Variants in NPAS3 observed in about 807,000 individuals in gnomAD.
NPAS3 encodes the protein neuronal PAS domain-containing protein 3.
In NPAS3, 14 loss-of-function variants were observed where a neutral mutation model predicts 73.1. The observed-to-expected ratio is 0.19, with a 90% CI of 0.13 to 0.30. The LOEUF is 0.30. Among genes scored for constraint, NPAS3 ranks in the 10% least tolerant of loss-of-function variants. The pLI is 1.00. For synonymous variants in NPAS3, 620 were observed against 541.5 expected (o/e 1.14, Z -2.01); for missense variants, 1,096 against 1,250.0 (o/e 0.88, Z 1.86).
chr14:33,295,719 G>T (rs565298519), intron 3 of NPAS3, among the ~76,000 whole-genome samples: 2 of 152,246 alleles, frequency 1.3e-5, no homozygotes, highest in East Asian at 3.9e-4. Context: ...TAATGCAGAG[G>T]TATTTATAGA....
intron 7 of NPAS3, among the ~76,000 whole-genome samples, chr14:33,767,359 C>T (rs1595576825): frequency 1.3e-5 from 2 of 152,142 alleles, no homozygotes; most frequent in East Asian, 3.9e-4. Context: ...CGGCTAAGCC[C>T]TTATCTTTCG....
At chr14:33,446,567 G>A (rs191177114) in intron 4 of NPAS3, among the ~76,000 whole-genome samples, 20 of 152,192 alleles carry the variant, frequency 1.3e-4, no homozygotes, top group Non-Finnish European at 1.8e-4. Context: ...TTCCTCCCTC[G>A]GAAGAGATGG....
At chr14:33,107,327 G>T (rs560042583) in intron 2 of NPAS3, among the ~76,000 whole-genome samples, 3 of 152,016 alleles carry the variant, frequency 2.0e-5, no homozygotes, top group South Asian at 4.2e-4. Flanking sequence ...GCTGAGGTTT[G>T]GAGTACAAAT....
chr14:33,464,467 CA>C (rs1262037884), intron 4 of NPAS3, among the ~76,000 whole-genome samples: 5 of 152,170 alleles, frequency 3.3e-5, no homozygotes, highest in Non-Finnish European at 7.3e-5. Context: ...AATACCAAAG[CA>C]TCGGTGACAT....
At chr14:33,289,807 G>A (rs1424940499) in intron 3 of NPAS3, among the ~76,000 whole-genome samples, 1 of 139,622 alleles carries the variant, frequency 7.2e-6, no homozygotes, top group Non-Finnish European at 1.5e-5. Context: ...GGGCAACAGA[G>A]CAAGACTCCG....
intron 4 of NPAS3, among the ~76,000 whole-genome samples, chr14:33,401,080 A>C (rs1375639737): frequency 2.0e-5 from 3 of 152,186 alleles, no homozygotes; most frequent in African/African-American, 7.2e-5. Context: ...TAGCATACTG[A>C]GGACGTTTTC....
chr14:33,281,693 C>T lies in NPAS3; in HGVS notation c.385+66267C>T, dbSNP rs926533594. On this transcript the variant is annotated intron_variant, in intron 3 of 11. Coordinates refer to ENST00000356141, the Ensembl canonical transcript of NPAS3. ...TTCTGTACATATCATTAAGTCAGGA[C>T]TAAGAATTTTTTCTTCTTTGTCACA... Among the ~76,000 whole-genome samples the T allele has an allele frequency of 3.3e-5, 5 of 152,266 alleles. No individual in the cohort carries two copies. In the East Asian group the frequency reaches 9.7e-4, roughly 29 times the overall value.
chr14:33,104,317 C>T (rs1566564343), intron 2 of NPAS3, among the ~76,000 whole-genome samples: 1 of 152,036 alleles, frequency 6.6e-6, no homozygotes, highest in African/African-American at 2.4e-5. Flanking sequence ...TTCTTATTTT[C>T]TTTTCATGCT....
chr14:33,447,387 G>A (rs1367886469), intron 4 of NPAS3, among the ~76,000 whole-genome samples: 2 of 152,086 alleles, frequency 1.3e-5, no homozygotes, highest in African/African-American at 4.8e-5. Context: ...TGTGTGTGTG[G>A]GCGCACGCAC....
chr14:32,937,647 A>G (rs2035739833), upstream of NPAS3, among the ~76,000 whole-genome samples: 2 of 151,840 alleles, frequency 1.3e-5, no homozygotes, highest in African/African-American at 2.4e-5. Context: ...GAAGTTTCCA[A>G]CTCCCAGCCC....
intron 1 of NPAS3, among the ~76,000 whole-genome samples, chr14:32,976,659 G>A (rs528995780): frequency 6.6e-6 from 1 of 152,140 alleles, no homozygotes; most frequent in African/African-American, 2.4e-5. Context: ...TTTCATTTAG[G>A]TATCAACATT....
intron 2 of NPAS3, among the ~76,000 whole-genome samples, chr14:33,201,820 C>T (rs2046629996): frequency 6.6e-6 from 1 of 152,166 alleles, no homozygotes; most frequent in Non-Finnish European, 1.5e-5. Flanking sequence ...ATTAAGTAGT[C>T]TCTTTACATC....
intron 6 of NPAS3, among the ~76,000 whole-genome samples, chr14:33,680,061 C>T (rs573594189): frequency 2.6e-5 from 4 of 152,258 alleles, no homozygotes; most frequent in Non-Finnish European, 4.4e-5. Flanking sequence ...TGCAGGCTCC[C>T]GCAGTATGAG....
At chr14:33,478,716 T>C (rs1166739646) in intron 4 of NPAS3, among the ~76,000 whole-genome samples, 1 of 152,206 alleles carries the variant, frequency 6.6e-6, no homozygotes, top group Middle Eastern at 3.2e-3. Context: ...AGCCCTGTAA[T>C]CTCATGAACT....
intron 1 of NPAS3, among the ~76,000 whole-genome samples, chr14:32,954,961 C>T (rs1251326460): frequency 6.6e-6 from 1 of 152,102 alleles, no homozygotes; most frequent in Non-Finnish European, 1.5e-5. Context: ...ATAATTTATA[C>T]CATCTTTTCG....
chr14:33,411,511 G>A (rs2047927792), intron 4 of NPAS3, among the ~76,000 whole-genome samples: 1 of 152,028 alleles, frequency 6.6e-6, no homozygotes, highest in African/African-American at 2.4e-5. Context: ...TCACAACTTC[G>A]GGTTGCTACT....
intron 1 of NPAS3, among the ~76,000 whole-genome samples, chr14:32,965,884 A>G (rs2037133054): frequency 6.6e-6 from 1 of 152,330 alleles, no homozygotes; most frequent in African/African-American, 2.4e-5. Flanking sequence ...TAAAATCAAT[A>G]TACAAAAAAT....
chr14:33,183,097 T>C (rs2045853110), intron 2 of NPAS3, among the ~76,000 whole-genome samples: 1 of 152,176 alleles, frequency 6.6e-6, no homozygotes, highest in African/African-American at 2.4e-5. Flanking sequence ...CTCATATTTT[T>C]GCCACTACTT....
intron 1 of NPAS3, among the ~76,000 whole-genome samples, chr14:32,995,617 G>T (rs1226463069): frequency 2.0e-5 from 3 of 152,188 alleles, no homozygotes; most frequent in Non-Finnish European, 2.9e-5. Flanking sequence ...TGCTGTTCTT[G>T]TGATAGCAAA....
Sources: allele counts gnomAD v4.1 joint callset (sites outside exome capture counted in the v4.1 genomes callset), GRCh38; gene constraint gnomAD v4.1.1; transcripts MANE v1.5; gene names NCBI Gene and HGNC (gene_info 2026-07-23, HGNC 2026-07-21).